The following MACROD2 variants were observed in gnomAD, a reference collection of about 807,000 sequenced individuals.
The protein encoded by MACROD2 is ADP-ribose glycohydrolase MACROD2.
A neutral mutation model predicts 70.4 loss-of-function variants in MACROD2; 36 were observed. That is an observed-to-expected ratio of 0.51 (90% CI 0.39 to 0.68). The LOEUF (loss-of-function observed/expected upper bound fraction) is 0.68. Ranked by LOEUF, MACROD2 falls within the 30% of genes least tolerant of loss-of-function variation. The probability of loss-of-function intolerance (pLI) is 0.00; values close to 1 mark genes in which losing one functional copy is unlikely to be tolerated. For missense variants in MACROD2, 496 were observed against 538.4 expected (o/e 0.92, Z 0.78); for synonymous variants, 172 against 178.8 (o/e 0.96, Z 0.30).
At chr20:15,559,096 G>C (rs1005269105) in intron 8 of MACROD2, among the ~76,000 whole-genome samples, 1 of 151,878 alleles carries the variant, frequency 6.6e-6, no homozygotes, top group Non-Finnish European at 1.5e-5. Flanking sequence ...GCATGGTGGC[G>C]CACGCCTGTA....
At chr20:14,566,117 G>T (rs1979783248) in intron 4 of MACROD2, among the ~76,000 whole-genome samples, 2 of 151,906 alleles carry the variant, frequency 1.3e-5, no homozygotes, top group Non-Finnish European at 2.9e-5. Context: ...TGTAACTCGT[G>T]TGATAAATAT....
chr20:16,007,326 A>G (rs185429896), intron 15 of MACROD2, among the ~76,000 whole-genome samples: 2 of 152,358 alleles, frequency 1.3e-5, no homozygotes, highest in Admixed American at 1.3e-4. Flanking sequence ...CCAACGTGGC[A>G]GTTCTGAACC....
rs144899230 is a variant in MACROD2, at chr20:14,958,652, G to C, written c.419-271288G>C. Reference sequence around the variant, plus strand: ...CCCATGTCCAGATTCTATCCCTCAGGTACCCCAAATCAGTATGTAACCTAT... The same window carrying C: ...CCCATGTCCAGATTCTATCCCTCAGCTACCCCAAATCAGTATGTAACCTAT... On this transcript the variant is annotated intron_variant, in intron 5 of 17. Coordinates refer to ENST00000684519, the MANE Select transcript of MACROD2 (RefSeq NM_001351661.2). Among the ~76,000 whole-genome samples the C allele has an allele frequency of 2.0e-3, 298 of 152,242 alleles. 3 individuals are homozygous for C. The highest frequency in any genetic ancestry group is 1.2e-3 in the East Asian group (6 of 5,178).
chr20:15,377,584 A>T (rs567146193), intron 6 of MACROD2, among the ~76,000 whole-genome samples: 19 of 152,356 alleles, frequency 1.2e-4, no homozygotes, highest in African/African-American at 3.8e-4. Context: ...AAAAATTCAC[A>T]AGAAATGCCC....
At chr20:15,395,398 T>A (rs1008886085) in intron 6 of MACROD2, among the ~76,000 whole-genome samples, 15 of 152,208 alleles carry the variant, frequency 9.9e-5, no homozygotes, top group East Asian at 3.8e-4. Context: ...GAAACATTTT[T>A]AAAAATTCTA....
chr20:15,604,173 G>A (rs1482292259), intron 8 of MACROD2, among the ~76,000 whole-genome samples: 2 of 152,152 alleles, frequency 1.3e-5, no homozygotes, highest in Non-Finnish European at 2.9e-5. Context: ...ATAGAAAGGG[G>A]AAATGGCCCA....
intron 10 of MACROD2, among the ~76,000 whole-genome samples, chr20:15,913,985 T>A (rs900694617): frequency 2.0e-5 from 3 of 152,234 alleles, no homozygotes; most frequent in Non-Finnish European, 4.4e-5. Context: ...CTGTTTGTTT[T>A]CCTGTGTGTG....
intron 8 of MACROD2, among the ~76,000 whole-genome samples, chr20:15,633,491 T>G (rs1391208043): frequency 6.6e-6 from 1 of 152,222 alleles, no homozygotes; most frequent in African/African-American, 2.4e-5. Context: ...ATAAGTGTTT[T>G]GATTAATTCA....
At chr20:14,121,786 TAATA>T (rs1190308128) in intron 3 of MACROD2, among the ~76,000 whole-genome samples, 6 of 152,184 alleles carry the variant, frequency 3.9e-5, no homozygotes, top group Non-Finnish European at 7.4e-5. Flanking sequence ...TTACGTCAAA[TAATA>T]AAGCTAAAAG....
chr20:14,272,680 A>G (rs1392238085), intron 3 of MACROD2, among the ~76,000 whole-genome samples: 5 of 151,200 alleles, frequency 3.3e-5, no homozygotes, highest in African/African-American at 9.7e-5. Flanking sequence ...AAATGCTCCA[A>G]TTAAAAGACA....
Position 14,326,457 on chromosome 20 carries a change from T to G in MACROD2, c.272-167022T>G, listed in dbSNP as rs750588557. On this transcript the variant is annotated intron_variant, in intron 3 of 17. Coordinates refer to ENST00000684519, the MANE Select transcript of MACROD2 (RefSeq NM_001351661.2). This position sits in a 1 kb window ranked among gnomAD's most constrained non-coding sequence, Gnocchi z 5.5. The stretch of plus-strand genomic sequence containing the variant: ...CACTGTCCTTACAATCAAACAGTTC[T>G]GCATTGAGATCCTTAATAGCCATCC... 1.2e-6 allele frequency: 2 copies of G among 1,613,760 alleles called. No homozygotes were observed. The highest frequency in any genetic ancestry group is 1.7e-6 in the Non-Finnish European group (2 of 1,179,860).
chr20:15,130,138 C>A (rs1370312720), intron 5 of MACROD2, among the ~76,000 whole-genome samples: 1 of 152,018 alleles, frequency 6.6e-6, no homozygotes, highest in African/African-American at 2.4e-5. Context: ...TAATTGTGAA[C>A]AAGATTCTCT....
intron 8 of MACROD2, among the ~76,000 whole-genome samples, chr20:15,707,713 G>A (rs1466260413): frequency 2.6e-5 from 4 of 151,934 alleles, no homozygotes; most frequent in Non-Finnish European, 4.4e-5. Flanking sequence ...AACCTGGGAG[G>A]CACAGAGTTT....
At chr20:14,650,750 T>A (rs2123509692) in intron 4 of MACROD2, among the ~76,000 whole-genome samples, 1 of 152,304 alleles carries the variant, frequency 6.6e-6, no homozygotes, top group Middle Eastern at 3.4e-3. Flanking sequence ...TTCCATTGTT[T>A]AAAAAACATT....
intron 15 of MACROD2, among the ~76,000 whole-genome samples, chr20:16,040,333 A>G (rs575944636): frequency 6.6e-6 from 1 of 151,944 alleles, no homozygotes; most frequent in Non-Finnish European, 1.5e-5. Flanking sequence ...AGTTTAACAT[A>G]CTCTGGACAC....
At chr20:15,225,231 ATCTTTT>A (rs533054387) in intron 5 of MACROD2, among the ~76,000 whole-genome samples, 190 of 152,258 alleles carry the variant, frequency 1.2e-3, no homozygotes, top group Non-Finnish European at 2.4e-3. Flanking sequence ...AATTATATCT[ATCTTTT>A]TCTTTAAGAG....
intron 6 of MACROD2, among the ~76,000 whole-genome samples, chr20:15,425,391 T>C (rs561504489): frequency 9.9e-5 from 15 of 152,232 alleles, no homozygotes; most frequent in Non-Finnish European, 1.9e-4. Context: ...TGGAGCTTTC[T>C]CTTCTTAGTG....
chr20:15,752,910 G>A (rs992189534), intron 8 of MACROD2, among the ~76,000 whole-genome samples: 1 of 152,128 alleles, frequency 6.6e-6, no homozygotes, highest in Non-Finnish European at 1.5e-5. Context: ...CATATGAAGA[G>A]AATAAGGCTG....
At chr20:14,008,366 T>C (rs2052851350) in intron 2 of MACROD2, among the ~76,000 whole-genome samples, 1 of 152,146 alleles carries the variant, frequency 6.6e-6, no homozygotes, top group African/African-American at 2.4e-5. Context: ...TGAGCTCTCA[T>C]TCACAGTTGC....
Sources: gnomAD v4.1 joint callset for allele counts (sites outside exome capture counted in the v4.1 genomes callset) on GRCh38, gnomAD v4.1.1 for gene constraint, Gnocchi (gnomAD v3.1) non-coding constraint, MANE v1.5 for transcripts, NCBI Gene and HGNC (gene_info 2026-07-23, HGNC 2026-07-21) for gene names.